Variants in CCDC88A observed in about 807,000 individuals in gnomAD.
CCDC88A encodes the protein girdin.
In CCDC88A, 54 loss-of-function variants were observed where a neutral mutation model predicts 234.3. That is an observed-to-expected ratio of 0.23 (90% CI 0.19 to 0.29). CCDC88A has a LOEUF of 0.29. Among genes scored for constraint, CCDC88A ranks in the 10% least tolerant of loss-of-function variants. The pLI is 1.00. For synonymous variants in CCDC88A, 753 were observed against 737.8 expected (o/e 1.02, Z -0.33); for missense variants, 1,832 against 2,123.4 (o/e 0.86, Z 2.70).
chr2:55,362,296 A>G lies in CCDC88A; in HGVS notation c.627+12T>C. 6.4e-7 allele frequency: 1 copy of G among 1,554,730 alleles called. No individual in the cohort carries two copies. Among genetic ancestry groups the G allele is most frequent in the Non-Finnish European group, 8.6e-7 (1 of 1,158,018 alleles). Reference sequence around the variant, plus strand: ...GCAAACTTTCACAATATACTGAAAGAATTTTACAAACCTCTGAATGTTCAT... The same window carrying G: ...GCAAACTTTCACAATATACTGAAAGGATTTTACAAACCTCTGAATGTTCAT... On this transcript the variant is annotated intron_variant, in intron 7 of 32. Coordinates refer to ENST00000436346, the MANE Select transcript of CCDC88A (RefSeq NM_001365480.1).
At chr2:55,302,994 G>T in intron 26 of CCDC88A, 75 bp downstream of exon 26, 1 of 940,430 alleles carries the variant, frequency 1.1e-6, no homozygotes, top group Non-Finnish European at 1.7e-6. Context: ...ACAGTCCAGA[G>T]AAAGGTTAGT....
intron 5 of CCDC88A, among the ~76,000 whole-genome samples, chr2:55,365,437 A>T (rs1671818299): frequency 6.6e-6 from 1 of 152,204 alleles, no homozygotes; most frequent in Non-Finnish European, 1.5e-5. Flanking sequence ...CAGCATAATT[A>T]TTATCAAAGG....
rs1248789943 is a variant in CCDC88A, at chr2:55,419,748, C to G, written c.-669G>C. On this transcript the variant is annotated 5_prime_UTR_variant, in exon 1 of 33. Transcript: ENST00000436346. ...GGCTTGAATGTGTGTCCCTAACCCC[C>G]CAGCTTCCTAAGCCCTGCCAGCCTT... 1 of 152,430 alleles carries G rather than the reference C, an allele frequency of 6.6e-6. No individual in the cohort carries two copies. The highest frequency in any genetic ancestry group is 6.5e-5 in the Admixed American group (1 of 15,274). 9.4% of individuals were successfully genotyped at this position (152,430 alleles called of 1,614,324 possible).
At chr2:55,296,701 CATAGCCTGCTTCCTT>C (rs1386907603) in intron 29 of CCDC88A, 178 bp from the exon 30 acceptor site, 2 of 629,838 alleles carry the variant, frequency 3.2e-6, no homozygotes, top group Non-Finnish European at 2.7e-6. Context: ...AATTGTCTGC[CATAGCCTGCTTCCTT>C]ATTTTGTCAA....
At chr2:55,410,228 T>G (rs1680252334) in intron 2 of CCDC88A, among the ~76,000 whole-genome samples, 1 of 152,172 alleles carries the variant, frequency 6.6e-6, no homozygotes, top group African/African-American at 2.4e-5. Context: ...GTACAAGAGC[T>G]TAGACCTTGT....
Position 55,349,521 on chromosome 2 carries a change from T to C in CCDC88A, c.879A>G (p.Gln293=). The C allele has an allele frequency of 5.6e-6, 9 of 1,609,200 alleles. No homozygotes were observed. Among genetic ancestry groups the C allele is most frequent in the Non-Finnish European group, 7.6e-6 (9 of 1,176,636 alleles). Residue 293 remains glutamine, a synonymous_variant, in exon 9 of 33, where the codon CAA becomes CAG. Coordinates refer to ENST00000436346, the MANE Select transcript of CCDC88A (RefSeq NM_001365480.1). Reference sequence around the variant, plus strand: ...AACAGATATTCCAGGTACAAACCTCTTGTTGCAGCCTTTTGAGTTCTATTT... The same window carrying C: ...AACAGATATTCCAGGTACAAACCTCCTGTTGCAGCCTTTTGAGTTCTATTT... The part of the protein sequence containing the change: ...QMEIELKRLQ[Q]ENMNLLSDAR...
At chr2:55,411,809 C>T (rs1202200843) in intron 2 of CCDC88A, among the ~76,000 whole-genome samples, 3 of 133,710 alleles carry the variant, frequency 2.2e-5, no homozygotes, top group Non-Finnish European at 4.8e-5. Context: ...AAAAACTCAA[C>T]ATATTGGACA....
At chr2:55,394,113 C>T (rs982733599) in intron 2 of CCDC88A, 1 of 144,296 alleles carries the variant, frequency 6.9e-6, no homozygotes, top group Non-Finnish European at 1.5e-5. Flanking sequence ...CACTACCACA[C>T]CCAGCTAACT....
In CCDC88A at chr2:55,419,412, G is replaced by A. The variant is rs1681972098; in HGVS notation, c.-333C>T. 6.4e-6 allele frequency: 2 copies of A among 313,330 alleles called. No homozygotes were observed. The highest frequency in any genetic ancestry group is 6.9e-5 in the South Asian group (2 of 29,180). The allele number at this position is 313,330 out of a possible 1,614,324, so 19.4% of individuals were successfully genotyped here. A position where few individuals can be genotyped will look rare whatever the true frequency, so the allele number is the denominator to read the frequency against. Reference sequence around the variant, plus strand: ...CCAAGACAAAAAGCCCGTCAAGGTTGTCCAGCTCCTGGAGGATCCAGACCA... The same window carrying A: ...CCAAGACAAAAAGCCCGTCAAGGTTATCCAGCTCCTGGAGGATCCAGACCA... On this transcript the variant is annotated 5_prime_UTR_variant, in exon 1 of 33. Coordinates refer to ENST00000436346, the MANE Select transcript of CCDC88A (RefSeq NM_001365480.1).
chr2:55,395,489 T>A lies in CCDC88A; in HGVS notation c.165-6603A>T, dbSNP rs75311999. ...TTTTGACTCCCACTTTCTCACTAGG[T>A]TCTAAGTTCCTTGACAAGAGGGACC... On this transcript the variant is annotated intron_variant, in intron 2 of 32. Transcript: ENST00000436346. 8.1e-4 allele frequency among the ~76,000 whole-genome samples: 124 copies of A among 152,362 alleles called. 1 individual carries two copies. The East Asian group carries it at 0.023, about 28-fold the overall frequency.
chr2:55,419,486 C>A lies in CCDC88A; in HGVS notation c.-407G>T. On this transcript the variant is annotated 5_prime_UTR_variant, in exon 1 of 33. Coordinates refer to ENST00000436346, the MANE Select transcript of CCDC88A (RefSeq NM_001365480.1). ...ATCCCAACGGGGGCTAAATGAAATA[C>A]GTTAAACAGAGACCACGTTAAGGAT... The A allele has an allele frequency of 5.4e-6, 1 of 185,612 alleles. No individual in the cohort carries two copies. Among genetic ancestry groups the A allele is most frequent in the Non-Finnish European group, 1.1e-5 (1 of 88,318 alleles). The allele number at this position is 185,612 out of a possible 1,614,324, so 11.5% of individuals were successfully genotyped here. A position where few individuals can be genotyped will look rare whatever the true frequency, so the allele number is the denominator to read the frequency against.
At chr2:55,327,616 T>G (rs1431235488) in intron 17 of CCDC88A, among the ~76,000 whole-genome samples, 1 of 152,222 alleles carries the variant, frequency 6.6e-6, no homozygotes, top group African/African-American at 2.4e-5. Flanking sequence ...AGTAATCTTA[T>G]CAGTCTAAGT....
Position 55,328,453 on chromosome 2 carries a change from A to G in CCDC88A, c.2856-18T>C. On this transcript the variant is annotated intron_variant, in intron 16 of 32. Coordinates refer to ENST00000436346, the MANE Select transcript of CCDC88A (RefSeq NM_001365480.1). The surrounding 1 kb of genome is among the most constrained non-coding windows in gnomAD (Gnocchi z 4.3). ...TATACCTACTATCCAAGTACAAAGT[A>G]ATGTAGTTCATTATTGGAGGTCAGA... The G allele has an allele frequency of 2.0e-6, 3 of 1,479,462 alleles. No individual in the cohort carries two copies. Among genetic ancestry groups the G allele is most frequent in the Non-Finnish European group, 2.7e-6 (3 of 1,103,168 alleles). 91.6% of individuals were successfully genotyped at this position (1,479,462 alleles called of 1,614,324 possible). A position where few individuals can be genotyped will look rare whatever the true frequency, so the allele number is the denominator to read the frequency against.
rs906979682 is a variant in CCDC88A at position 55,288,333 on chromosome 2, A to G, written c.*2867T>C. 1 of 152,654 alleles carries G rather than the reference A, an allele frequency of 6.6e-6. No homozygotes were observed. The highest frequency in any genetic ancestry group is 1.5e-5 in the Non-Finnish European group (1 of 68,030). The allele number at this position is 152,654 out of a possible 1,614,324, so 9.5% of individuals were successfully genotyped here. A position where few individuals can be genotyped will look rare whatever the true frequency, so the allele number is the denominator to read the frequency against. On this transcript the variant is annotated 3_prime_UTR_variant, in exon 33 of 33. Coordinates refer to ENST00000436346, the MANE Select transcript of CCDC88A (RefSeq NM_001365480.1). ...TATTCATTCAAGACTTAAAGAAAAA[A>G]TACATCTCAGGACTAAGTGTAGCTG...
chr2:55,368,972 T>C (rs1017400667), intron 5 of CCDC88A, among the ~76,000 whole-genome samples: 3 of 152,244 alleles, frequency 2.0e-5, no homozygotes, highest in African/African-American at 4.8e-5. Context: ...AGCTGAAGGC[T>C]GACAGATTTT....
chr2:55,416,753 TAAGTA>T (rs1395626191), intron 2 of CCDC88A, among the ~76,000 whole-genome samples: 6 of 151,668 alleles, frequency 4.0e-5, no homozygotes, highest in Non-Finnish European at 7.4e-5. Context: ...TACATTAATC[TAAGTA>T]AAGTGCTTAA....
At chr2:55,327,385 C>T (rs1448497876) in intron 17 of CCDC88A, among the ~76,000 whole-genome samples, 1 of 152,132 alleles carries the variant, frequency 6.6e-6, no homozygotes. Flanking sequence ...AAATCCATAC[C>T]TTTGGAGTTG....
At chr2:55,403,904 C>T (rs939212008) in intron 2 of CCDC88A, 6 of 152,192 alleles carry the variant, frequency 3.9e-5, no homozygotes, top group African/African-American at 1.4e-4. Context: ...GATTGGGTCA[C>T]AGAAGTTGGT....
intron 8 of CCDC88A, among the ~76,000 whole-genome samples, chr2:55,352,506 T>C (rs1458850706): frequency 1.3e-5 from 2 of 151,990 alleles, no homozygotes; most frequent in Admixed American, 6.6e-5. Context: ...ATAAACTCTA[T>C]GAAAAAAACC....
Sources: gnomAD v4.1 joint callset for allele counts (sites outside exome capture counted in the v4.1 genomes callset) on GRCh38, gnomAD v4.1.1 for gene constraint, Gnocchi (gnomAD v3.1) non-coding constraint, MANE v1.5 for transcripts, NCBI Gene and HGNC (gene_info 2026-07-23, HGNC 2026-07-21) for gene names.